Variants in GLIS3 observed in about 807,000 individuals in gnomAD.
The protein encoded by GLIS3 is GLIS family zinc finger 3.
Under a neutral mutation model 78.6 loss-of-function variants are expected in GLIS3, and 53 were observed. That is an observed-to-expected ratio of 0.67 (90% confidence interval 0.54 to 0.85). The LOEUF is 0.85. GLIS3 is among the 40% of genes least tolerant of loss of function. The probability of loss-of-function intolerance (pLI) is 0.00; values close to 1 mark genes in which losing one functional copy is unlikely to be tolerated. For missense variants in GLIS3, 1,703 were observed against 1,231.1 expected, an observed-to-expected ratio of 1.38 and a Z score of -5.74; for synonymous variants, 684 against 509.9, an observed-to-expected ratio of 1.34 and a Z score of -4.60.
At chr9:4,227,938 G>T (rs547340049) in intron 2 of GLIS3, among the ~76,000 whole-genome samples, 1 of 152,314 alleles carries the variant, frequency 6.6e-6, no homozygotes, top group Non-Finnish European at 1.5e-5. Flanking sequence ...ACTTTGTGTT[G>T]AAATTGTTTG....
At chr9:4,192,881 T>A (rs181160924) in intron 2 of GLIS3, among the ~76,000 whole-genome samples, 101 of 151,296 alleles carry the variant, frequency 6.7e-4, no homozygotes, top group African/African-American at 2.4e-3. Context: ...TGGGAGACAC[T>A]CCAGGAAGGG....
Position 3,864,197 on chromosome 9 carries a change from G to C in GLIS3, c.2298-8013C>G, listed in dbSNP as rs536694247. On this transcript the variant is annotated intron_variant, in intron 8 of 10. Transcript: ENST00000381971. ...CTCTTGGGTTTCTCTGAGTGGGTCA[G>C]AGCAAGGGGATTAACTCATAGTCCT... Among the ~76,000 whole-genome samples, 14 of 152,300 alleles carry C rather than the reference G, an allele frequency of 9.2e-5. No individual in the cohort carries two copies. In the South Asian group the frequency reaches 2.1e-3, roughly 23 times the overall value.
At chr9:4,362,469 G>A in the GLIS3 span, among the ~76,000 whole-genome samples, 1,234 of 152,250 alleles carry the variant, frequency 8.1e-3, 28 homozygotes, top group African/African-American at 0.028. Flanking sequence ...ATGACCACAC[G>A]CTTTCCATCT....
intron 1 of GLIS3, among the ~76,000 whole-genome samples, chr9:4,289,188 T>C (rs1828246681): frequency 6.6e-6 from 1 of 152,180 alleles, no homozygotes; most frequent in Non-Finnish European, 1.5e-5. Context: ...TTTCTGGACT[T>C]ACAGTTTTTC....
intron 2 of GLIS3, among the ~76,000 whole-genome samples, chr9:4,238,485 T>A (rs1342659067): frequency 1.3e-5 from 2 of 152,192 alleles, no homozygotes; most frequent in Non-Finnish European, 2.9e-5. Flanking sequence ...TTTACAATAA[T>A]TTTTAAAAAG....
intron 2 of GLIS3, among the ~76,000 whole-genome samples, chr9:4,205,935 C>G (rs150209879): frequency 1.3e-5 from 2 of 152,302 alleles, no homozygotes; most frequent in East Asian, 3.9e-4. Context: ...GTGTGGTCAA[C>G]AGGATTTCTT....
At chr9:3,828,552 C>T in intron 10 of GLIS3, 144 bp from the exon 11 acceptor site, 1 of 1,015,810 alleles carries the variant, frequency 9.8e-7, no homozygotes, top group Non-Finnish European at 1.5e-6. Flanking sequence ...TAGTGAGTCT[C>T]TGTTTCCAGC....
intron 4 of GLIS3, among the ~76,000 whole-genome samples, chr9:3,984,036 G>C (rs1234745899): frequency 2.0e-5 from 3 of 152,266 alleles, no homozygotes; most frequent in African/African-American, 4.8e-5. Flanking sequence ...CCGAGGCCTA[G>C]GAGGAAAAAC....
chr9:4,105,020 C>G (rs187460472), intron 4 of GLIS3, among the ~76,000 whole-genome samples: 1 of 152,276 alleles, frequency 6.6e-6, no homozygotes, highest in East Asian at 1.9e-4. Context: ...ATTAGATGAA[C>G]AATTCAGTAT....
At chr9:4,062,220 G>A (rs748690529) in intron 4 of GLIS3, among the ~76,000 whole-genome samples, 1 of 152,188 alleles carries the variant, frequency 6.6e-6, no homozygotes, top group Non-Finnish European at 1.5e-5. Context: ...CTGTGCCTTA[G>A]CGACTAATTT....
At chr9:4,258,290 T>C (rs972869200) in intron 2 of GLIS3, among the ~76,000 whole-genome samples, 12 of 151,986 alleles carry the variant, frequency 7.9e-5, no homozygotes, top group Admixed American at 2.0e-4. Context: ...AATAGTGAAA[T>C]CTGAATAAAG....
chr9:3,998,808 T>A lies in GLIS3; in HGVS notation c.1711-61619A>T, dbSNP rs187932347. Among the ~76,000 whole-genome samples, 448 of 149,582 alleles carry A rather than the reference T, an allele frequency of 3.0e-3. 4 individuals are homozygous for A. Among genetic ancestry groups the A allele is most frequent in the African/African-American group, 0.01 (426 of 41,150 alleles). ...AATATTTTAATAAAATAATATTTTA[T>A]TAAAATATATTGGTTCAAAAGTCGA... On this transcript the variant is annotated intron_variant, in intron 4 of 10. Transcript: ENST00000381971.
chr9:4,181,899 C>A (rs1817359143), intron 2 of GLIS3, among the ~76,000 whole-genome samples: 1 of 152,116 alleles, frequency 6.6e-6, no homozygotes, highest in South Asian at 2.1e-4. Flanking sequence ...CCATCCAGCC[C>A]CAACCGAGTT....
At chr9:4,366,080 G>A in the GLIS3 span, among the ~76,000 whole-genome samples, 1 of 152,184 alleles carries the variant, frequency 6.6e-6, no homozygotes, top group African/African-American at 2.4e-5. Context: ...GAGCATAAGG[G>A]TATGGGGCAC....
chr9:4,108,833 G>C (rs904636724), intron 4 of GLIS3, among the ~76,000 whole-genome samples: 18 of 152,124 alleles, frequency 1.2e-4, no homozygotes, highest in African/African-American at 4.1e-4. Flanking sequence ...AGAACATTCT[G>C]AATGCCTGAG....
chr9:4,084,905 T>C lies in GLIS3; in HGVS notation c.1710+32863A>G, dbSNP rs1051958434. ...CTTAAAGAAGCCTCTTGCATTCATA[T>C]TGATGCAGGTCAAAAAGACGCAGAT... On this transcript the variant is annotated intron_variant, in intron 4 of 10. Coordinates refer to ENST00000381971, the MANE Select transcript of GLIS3 (RefSeq NM_001042413.2). Among the ~76,000 whole-genome samples the C allele has an allele frequency of 5.3e-5, 8 of 151,764 alleles. No homozygotes were observed. In the East Asian group the frequency reaches 7.7e-4, roughly 15 times the overall value.
intron 8 of GLIS3, among the ~76,000 whole-genome samples, chr9:3,865,820 C>G (rs1820537243): frequency 6.6e-6 from 1 of 152,150 alleles, no homozygotes; most frequent in African/African-American, 2.4e-5. Context: ...AACATGGTTT[C>G]CTTTATAGGC....
intron 2 of GLIS3, among the ~76,000 whole-genome samples, chr9:4,149,276 GATT>G (rs1834482201): frequency 6.6e-6 from 1 of 152,160 alleles, no homozygotes; most frequent in African/African-American, 2.4e-5. Flanking sequence ...CAACAACCTT[GATT>G]ATTACCATCC....
intron 2 of GLIS3, among the ~76,000 whole-genome samples, chr9:4,339,799 A>G (rs866914616): frequency 7.5e-3 from 2 of 266 alleles, no homozygotes; most frequent in Non-Finnish European, 0.012. Flanking sequence ...AGGGGGAGGG[A>G]AGGGGGAGGG....
Sources: allele counts gnomAD v4.1 joint callset (sites outside exome capture counted in the v4.1 genomes callset), GRCh38; gene constraint gnomAD v4.1.1; transcripts MANE v1.5; gene names NCBI Gene and HGNC (gene_info 2026-07-23, HGNC 2026-07-21).